The following JMJD1C variants were observed in gnomAD, a reference collection of about 807,000 sequenced individuals.
JMJD1C encodes jumonji domain-containing protein 1C.
Under a neutral mutation model 245.3 loss-of-function variants are expected in JMJD1C, and 31 were observed. The observed-to-expected ratio is 0.13, with a 90% CI of 0.09 to 0.17. The LOEUF (loss-of-function observed/expected upper bound fraction) is 0.17. JMJD1C is among the 10% of genes least tolerant of loss of function. The probability of loss-of-function intolerance (pLI) is 1.00; values close to 1 mark genes in which losing one functional copy is unlikely to be tolerated. For missense variants in JMJD1C, 2,691 were observed against 3,000.2 expected (o/e 0.90, Z 2.41); for synonymous variants, 1,057 against 1,017.4 (o/e 1.04, Z -0.74).
At chr10:63,183,384 C>T (rs1843720009) in intron 22 of JMJD1C, 63 bp downstream of exon 22, 6 of 1,425,850 alleles carry the variant, frequency 4.2e-6, no homozygotes, top group Non-Finnish European at 5.7e-6. Flanking sequence ...ATATTCTGGA[C>T]AATACTAGTG....
chr10:63,242,603 G>A (rs2133521492), intron 3 of JMJD1C, among the ~76,000 whole-genome samples: 1 of 152,278 alleles, frequency 6.6e-6, no homozygotes, highest in African/African-American at 2.4e-5. Flanking sequence ...GCACATGCCT[G>A]CAGTCCCAGC....
intron 1 of JMJD1C, among the ~76,000 whole-genome samples, chr10:63,490,997 A>G (rs777033016): frequency 2.0e-5 from 3 of 152,202 alleles, no homozygotes; most frequent in Non-Finnish European, 2.9e-5. Context: ...CAACAACTCT[A>G]TGTGCTAAGT....
intron 2 of JMJD1C, among the ~76,000 whole-genome samples, chr10:63,301,332 C>T (rs1474752703): frequency 6.6e-6 from 1 of 152,146 alleles, no homozygotes; most frequent in Admixed American, 6.6e-5. Flanking sequence ...ATCTTTCTCT[C>T]TCACATGCAC....
chr10:63,330,709 TTAATGATCCACCCCCTTTTCAC>T (rs1195075496), intron 2 of JMJD1C, among the ~76,000 whole-genome samples: 1 of 152,174 alleles, frequency 6.6e-6, no homozygotes, highest in East Asian at 1.9e-4. Flanking sequence ...CTACCAGATG[TTAATGATCCACCCCCTTTTCAC>T]AGATAATATT....
intron 3 of JMJD1C, among the ~76,000 whole-genome samples, chr10:63,247,645 T>C (rs961675583): frequency 1.0e-4 from 15 of 146,786 alleles, no homozygotes; most frequent in Non-Finnish European, 2.1e-4. Context: ...GGCAGGAGAA[T>C]TGCTTGGGCC....
chr10:63,275,723 T>C (rs989907170), intron 2 of JMJD1C, among the ~76,000 whole-genome samples: 20 of 152,236 alleles, frequency 1.3e-4, no homozygotes, highest in Non-Finnish European at 2.8e-4. Context: ...AACATAATTA[T>C]ATTTGAGAAA....
chr10:63,176,679 T>C (rs1842881797), intron 23 of JMJD1C: 1 of 510,906 alleles, frequency 2.0e-6, no homozygotes, highest in African/African-American at 1.9e-5. Context: ...AATGCTGAAA[T>C]GCTCTTAACA....
rs776725326 is a variant in JMJD1C at position 63,213,820 on chromosome 10, T to G, written c.2347A>C (p.Thr783Pro). ...PLPTINTHPL[T>P]SGPHHAVHHP... The stretch of plus-strand genomic sequence containing the variant: ...TGAACAGCATGGTGTGGACCACTAG[T>G]CAGAGGATGAGTGTTAATGGTAGGT... Residue 783 changes from threonine to proline, a missense_variant, in exon 8 of 26, where the codon ACT becomes CCT. Thr to Pro is a conservative substitution (Grantham distance 38). Coordinates refer to ENST00000399262, the MANE Select transcript of JMJD1C (RefSeq NM_032776.3). 77 of 1,613,864 alleles carry G rather than the reference T, an allele frequency of 4.8e-5. 1 individual carries two copies. Among genetic ancestry groups the G allele is most frequent in the Non-Finnish European group, 6.4e-5 (75 of 1,179,950 alleles).
chr10:63,494,783 T>C (rs1311006366), intron 1 of JMJD1C, among the ~76,000 whole-genome samples: 3 of 152,168 alleles, frequency 2.0e-5, no homozygotes, highest in African/African-American at 7.2e-5. Flanking sequence ...CTGACAAATA[T>C]CATAAATTTA....
intron 2 of JMJD1C, among the ~76,000 whole-genome samples, chr10:63,329,895 G>GT (rs1017007378): frequency 6.6e-6 from 1 of 152,134 alleles, no homozygotes; most frequent in East Asian, 1.9e-4. Context: ...TCCTGAGCAT[G>GT]TTTTTTTGTT....
At position 63,391,606 on chromosome 10, in the gene JMJD1C, G is replaced by GA. The variant is rs543547954; in HGVS notation, c.169-11125dup. ...CCATGAATAAATGTACCCCAAAAGG[G>GA]AAAAGATGCCTACAATGAAAACTAC... On this transcript the variant is annotated intron_variant, in intron 1 of 25. Transcript: ENST00000399262. Among the ~76,000 whole-genome samples, 283 of 152,134 alleles carry GA rather than the reference G, an allele frequency of 1.9e-3. 5 individuals are homozygous for GA. The highest frequency in any genetic ancestry group is 0.016 in the Admixed American group (247 of 15,276).
chr10:63,308,950 T>C (rs1164497524), intron 2 of JMJD1C, among the ~76,000 whole-genome samples: 1 of 152,130 alleles, frequency 6.6e-6, no homozygotes, highest in Non-Finnish European at 1.5e-5. Flanking sequence ...TATATGCTTT[T>C]AGAAAGAAAA....
chr10:63,193,748 G>A (rs1845120360), intron 14 of JMJD1C: 1 of 217,582 alleles, frequency 4.6e-6, no homozygotes, highest in Admixed American at 5.4e-5. Flanking sequence ...CTCACTGCAA[G>A]CTCCGCCCCC....
intron 2 of JMJD1C, among the ~76,000 whole-genome samples, chr10:63,343,672 G>A (rs1385056911): frequency 2.6e-5 from 4 of 152,092 alleles, no homozygotes; most frequent in Non-Finnish European, 1.5e-5. Flanking sequence ...AATTACAATG[G>A]AGCTGAAAAA....
At position 63,207,986 on chromosome 10, in the gene JMJD1C, G is replaced by C; in HGVS notation, c.3683C>G (p.Ser1228Cys). ...ERKEGSYSSL[S>C]PPTLTPVMPV... The stretch of plus-strand genomic sequence containing the variant: ...CATCACCGGAGTTAAAGTTGGAGGG[G>C]AAAGACTACTATAGCTGCCTTCCTT... The change falls in exon 10 of 26, where the codon TCC (serine) becomes TGC (cysteine). Residue 1228 changes from serine to cysteine, a missense_variant. Coordinates refer to ENST00000399262, the MANE Select transcript of JMJD1C (RefSeq NM_032776.3). 1 of 1,614,116 alleles carries C rather than the reference G, an allele frequency of 6.2e-7. No homozygotes were observed. Among genetic ancestry groups the C allele is most frequent in the Non-Finnish European group, 8.5e-7 (1 of 1,180,000 alleles).
chr10:63,413,446 G>A (rs551583202), intron 1 of JMJD1C, among the ~76,000 whole-genome samples: 1 of 151,174 alleles, frequency 6.6e-6, no homozygotes, highest in African/African-American at 2.4e-5. Flanking sequence ...GGTTTTCTGA[G>A]CAGAATTACA....
intron 1 of JMJD1C, among the ~76,000 whole-genome samples, chr10:63,394,643 G>C (rs867368366): frequency 2.6e-5 from 4 of 152,096 alleles, no homozygotes; most frequent in African/African-American, 7.2e-5. Context: ...TTGGGAGTTC[G>C]AGACCAGCCT....
chr10:63,203,782 G>A (rs1481915231), intron 10 of JMJD1C: 3 of 954,228 alleles, frequency 3.1e-6, no homozygotes, highest in Middle Eastern at 1.1e-3. Flanking sequence ...ATGTGTATGT[G>A]TATATAAAAT....
intron 16 of JMJD1C, among the ~76,000 whole-genome samples, chr10:63,191,559 G>A (rs1409747933): frequency 6.6e-6 from 1 of 152,188 alleles, no homozygotes. Context: ...CAAACCTGAG[G>A]ATGAGTGAGG....
Sources: gnomAD v4.1 joint callset for allele counts (sites outside exome capture counted in the v4.1 genomes callset) on GRCh38, gnomAD v4.1.1 for gene constraint, MANE v1.5 for transcripts, NCBI Gene and HGNC (gene_info 2026-07-23, HGNC 2026-07-21) for gene names.